SLC24A4: variants seen among roughly 807,000 people sequenced by gnomAD.
The protein encoded by SLC24A4 is solute carrier family 24 member 4, also known as sodium/potassium/calcium exchanger 4.
In SLC24A4, 53 loss-of-function variants were observed where a neutral mutation model predicts 79.0. The ratio of observed to expected loss-of-function variants is 0.67; its 90% CI spans 0.54 to 0.84. The LOEUF is 0.84. SLC24A4 is among the 40% of genes least tolerant of loss of function. The probability of loss-of-function intolerance (pLI) is 0.00; values close to 1 mark genes in which losing one functional copy is unlikely to be tolerated. For missense variants in SLC24A4, 731 were observed against 822.0 expected, an observed-to-expected ratio of 0.89 and a Z score of 1.35; for synonymous variants, 323 against 323.8, an observed-to-expected ratio of 1.00 and a Z score of 0.03.
intron 2 of SLC24A4, among the ~76,000 whole-genome samples, chr14:92,337,102 TA>T: frequency 6.6e-6 from 1 of 151,792 alleles, no homozygotes; most frequent in African/African-American, 2.4e-5. Context: ...TTTTTTTTTT[TA>T]AAAACATGGG....
chr14:92,387,745 A>C (rs775021684), intron 2 of SLC24A4, among the ~76,000 whole-genome samples: 4 of 152,216 alleles, frequency 2.6e-5, no homozygotes, highest in Non-Finnish European at 5.9e-5. Context: ...GGCAATCCCC[A>C]GTCTGCTTTC....
intron 2 of SLC24A4, among the ~76,000 whole-genome samples, chr14:92,383,932 G>A (rs139264951): frequency 1.1e-3 from 164 of 152,308 alleles, no homozygotes; most frequent in African/African-American, 3.5e-3. Context: ...TCGCCGTGGC[G>A]GGACAGCATG....
chr14:92,410,418 G>A (rs1232020924), intron 2 of SLC24A4, among the ~76,000 whole-genome samples: 1 of 152,128 alleles, frequency 6.6e-6, no homozygotes, highest in Non-Finnish European at 1.5e-5. Context: ...GGCTTCAGGC[G>A]ATCCTCTCAC....
At chr14:92,400,987 G>T (rs1422485646) in intron 2 of SLC24A4, among the ~76,000 whole-genome samples, 1 of 152,184 alleles carries the variant, frequency 6.6e-6, no homozygotes, top group East Asian at 1.9e-4. Context: ...AGTGAAAGCT[G>T]AAGTGAAAGA....
chr14:92,400,338 C>T (rs1890040818), intron 2 of SLC24A4, among the ~76,000 whole-genome samples: 1 of 149,540 alleles, frequency 6.7e-6, no homozygotes. Context: ...ACTCGGGAGG[C>T]TGAGGCAGGA....
chr14:92,406,691 G>T (rs527255363), intron 2 of SLC24A4, among the ~76,000 whole-genome samples: 1 of 152,314 alleles, frequency 6.6e-6, no homozygotes, highest in East Asian at 1.9e-4. Flanking sequence ...AGCTGGAGCT[G>T]GAGCTGCTGG....
chr14:92,322,991 G>A (rs538178872), upstream of SLC24A4, among the ~76,000 whole-genome samples: 1 of 152,256 alleles, frequency 6.6e-6, no homozygotes, highest in South Asian at 2.1e-4. Flanking sequence ...GAAAAAGGGA[G>A]AAGGAAGGGG....
chr14:92,383,597 T>C (rs1263292570), intron 2 of SLC24A4, among the ~76,000 whole-genome samples: 3 of 152,204 alleles, frequency 2.0e-5, no homozygotes, highest in Non-Finnish European at 2.9e-5. Flanking sequence ...AGTGCCAACG[T>C]GCTTGCTTCC....
At chr14:92,442,283 G>A (rs779726441) in intron 5 of SLC24A4, 110 bp downstream of exon 5, 1 of 816,006 alleles carries the variant, frequency 1.2e-6, no homozygotes, top group Non-Finnish European at 2.0e-6. Flanking sequence ...TCTGTAAAAT[G>A]GGAGAATTGG....
intron 13 of SLC24A4, chr14:92,484,812 G>A (rs1205175353): frequency 1.0e-5 from 10 of 985,260 alleles, no homozygotes; most frequent in African/African-American, 3.5e-5. Context: ...GTCGTTAGCC[G>A]CTTATTGAAA....
chr14:92,426,177 C>T (rs1287986703), intron 2 of SLC24A4, among the ~76,000 whole-genome samples: 2 of 152,042 alleles, frequency 1.3e-5, no homozygotes, highest in African/African-American at 4.8e-5. Flanking sequence ...AAAAGGAATA[C>T]CTGAGGCTGG....
At chr14:92,480,164 T>G (rs979383137) in intron 12 of SLC24A4, among the ~76,000 whole-genome samples, 1 of 151,782 alleles carries the variant, frequency 6.6e-6, no homozygotes, top group South Asian at 2.1e-4. Context: ...ATTTTCTATT[T>G]CATTTATTTT....
chr14:92,446,196 C>T (rs920575468), intron 8 of SLC24A4, among the ~76,000 whole-genome samples: 38 of 151,722 alleles, frequency 2.5e-4, no homozygotes, highest in South Asian at 4.2e-4. Context: ...TTTTGAGACC[C>T]GGTCTTACTC....
intron 3 of SLC24A4, 63 bp downstream of exon 3, chr14:92,434,051 G>T: frequency 2.4e-6 from 3 of 1,273,016 alleles, no homozygotes; most frequent in Non-Finnish European, 3.5e-6. Flanking sequence ...TGCACAGCGG[G>T]GCAGAGCCGT....
rs529166633 is a variant in SLC24A4 at position 92,448,909 on chromosome 14, G to A, written c.738-165G>A. On this transcript the variant is annotated intron_variant, in intron 9 of 16. Coordinates refer to ENST00000532405, the MANE Select transcript of SLC24A4 (RefSeq NM_153646.4). ...ACACAATGCTCCCAGGTCCCTGTCA[G>A]GAAACTGTCAGCCCAGTTGAAAAGC... Among the ~76,000 whole-genome samples, 6 of 152,302 alleles carry A rather than the reference G, an allele frequency of 3.9e-5. No homozygotes were observed. The East Asian group carries it at 9.7e-4, about 25-fold the overall frequency.
intron 2 of SLC24A4, among the ~76,000 whole-genome samples, chr14:92,336,686 G>A (rs868078810): frequency 7.2e-5 from 11 of 152,164 alleles, no homozygotes; most frequent in South Asian, 4.1e-4. Flanking sequence ...GACAGGCCAG[G>A]GCTCAAAAAC....
Position 92,353,083 on chromosome 14 carries a change from T to C in SLC24A4, c.241+27105T>C, listed in dbSNP as rs1886980980. ...TAAAATAAAACCTCTGTCTCCTATC[T>C]CTGTCCCACAGCTGCCCAAACCCCC... On this transcript the variant is annotated intron_variant, in intron 2 of 16. Coordinates refer to ENST00000532405, the MANE Select transcript of SLC24A4 (RefSeq NM_153646.4). The surrounding 1 kb of genome is among the most constrained non-coding windows in gnomAD (Gnocchi z 4.1). Among the ~76,000 whole-genome samples the C allele has an allele frequency of 1.3e-5, 2 of 152,230 alleles. No individual in the cohort carries two copies. The highest frequency in any genetic ancestry group is 1.9e-4 in the East Asian group (1 of 5,202).
chr14:92,328,417 G>A (rs907760187), intron 2 of SLC24A4, among the ~76,000 whole-genome samples: 3 of 152,220 alleles, frequency 2.0e-5, no homozygotes, highest in African/African-American at 7.2e-5. Context: ...AGCCCCGCAG[G>A]AGGCACTGCA....
intron 2 of SLC24A4, among the ~76,000 whole-genome samples, chr14:92,342,429 G>T (rs1886213559): frequency 6.7e-6 from 1 of 150,228 alleles, no homozygotes; most frequent in African/African-American, 2.5e-5. Context: ...TGTCGCCCAG[G>T]CTGGAGTGCA....
Sources: allele counts gnomAD v4.1 joint callset (sites outside exome capture counted in the v4.1 genomes callset), GRCh38; gene constraint gnomAD v4.1.1; non-coding constraint Gnocchi (gnomAD v3.1); transcripts MANE v1.5; gene names NCBI Gene and HGNC (gene_info 2026-07-23, HGNC 2026-07-21).